Variants in ZNF567 observed in about 807,000 individuals in gnomAD.
ZNF567 encodes zinc finger protein 567.
ZNF567 carries 36 observed loss-of-function variants against 53.9 expected under a neutral mutation model. The observed-to-expected ratio is 0.67, with a 90% CI of 0.51 to 0.88. The LOEUF (loss-of-function observed/expected upper bound fraction) is 0.88, where lower values mean the gene tolerates loss of function less well. ZNF567 is among the 40% of genes least tolerant of loss of function. The pLI, the probability that ZNF567 is intolerant of heterozygous loss-of-function variation, is 0.00. For synonymous variants in ZNF567, 224 were observed against 260.4 expected, an observed-to-expected ratio of 0.86 and a Z score of 1.35; for missense variants, 619 against 764.7, an observed-to-expected ratio of 0.81 and a Z score of 2.25.
At chr19:36,708,888 T>G (rs542999024) in intron 3 of ZNF567, among the ~76,000 whole-genome samples, 1 of 152,374 alleles carries the variant, frequency 6.6e-6, no homozygotes, top group South Asian at 2.1e-4. Context: ...AGCTTTTTAG[T>G]TATGCGTTTG....
At chr19:36,690,596 A>G (rs551448747) in intron 2 of ZNF567, among the ~76,000 whole-genome samples, 42 of 152,348 alleles carry the variant, frequency 2.8e-4, no homozygotes, top group African/African-American at 9.1e-4. Flanking sequence ...GTTTCAAAAC[A>G]AAACAAAAGA....
the ZNF567 span, chr19:36,668,800 T>G: frequency 9.3e-4 from 141 of 152,332 alleles, no homozygotes; most frequent in African/African-American, 3.3e-3. Flanking sequence ...GTGATTCTGC[T>G]TGTGTCTGAT....
At chr19:36,710,239 A>G (rs1433040901) in intron 3 of ZNF567, among the ~76,000 whole-genome samples, 1 of 138,846 alleles carries the variant, frequency 7.2e-6, no homozygotes, top group Non-Finnish European at 1.6e-5. Flanking sequence ...TTTTTATTTC[A>G]GTTATTTCTT....
Position 36,719,465 on chromosome 19 carries a change from C to T in ZNF567, c.741C>T (p.Thr247=), listed in dbSNP as rs1196535980. ...TATATAATAAAAAAAGAAGAGCAAC[C>T]AATATTGAAAAAAAACATACATGCA... ...PSVYNKKRRA[T]NIEKKHTCNE... is the part of the protein sequence containing the mutation. The change falls in exon 6 of 6, where the codon ACC becomes ACT. Residue 247 remains threonine, a synonymous_variant. Transcript: ENST00000682579. 1 of 1,609,694 alleles carries T rather than the reference C, an allele frequency of 6.2e-7. No individual in the cohort carries two copies. The highest frequency in any genetic ancestry group is 1.7e-5 in the Admixed American group (1 of 59,028).
At chr19:36,697,886 C>T (rs2038964320) in intron 3 of ZNF567, among the ~76,000 whole-genome samples, 1 of 150,668 alleles carries the variant, frequency 6.6e-6, no homozygotes, top group Admixed American at 6.6e-5. Context: ...ATTGGCATTA[C>T]AGGTGTGAGC....
the ZNF567 span, among the ~76,000 whole-genome samples, chr19:36,681,698 G>A: frequency 2.9e-4 from 44 of 151,630 alleles, no homozygotes; most frequent in Non-Finnish European, 6.0e-4. Context: ...CCAAAGTGCT[G>A]AGATTACAAG....
the ZNF567 span, among the ~76,000 whole-genome samples, chr19:36,667,245 A>C: frequency 6.6e-6 from 1 of 152,288 alleles, no homozygotes; most frequent in South Asian, 2.1e-4. Context: ...ACGATTTAAA[A>C]AAAAATTTTT....
At chr19:36,706,589 T>C (rs1306410523) in intron 3 of ZNF567, among the ~76,000 whole-genome samples, 1 of 151,802 alleles carries the variant, frequency 6.6e-6, no homozygotes, top group Non-Finnish European at 1.5e-5. Context: ...CCACTGTGCC[T>C]GGCCTACACC....
intron 1 of ZNF567, among the ~76,000 whole-genome samples, 170 bp from the exon 2 acceptor site, chr19:36,689,227 C>G (rs2038453911): frequency 6.9e-6 from 1 of 145,580 alleles, no homozygotes; most frequent in Non-Finnish European, 1.5e-5. Flanking sequence ...CTCAAAATTC[C>G]TATTTGAGAG....
At chr19:36,724,871 T>G (rs1257324966), downstream of ZNF567, among the ~76,000 whole-genome samples, 1 of 151,476 alleles carries the variant, frequency 6.6e-6, no homozygotes, top group East Asian at 1.9e-4. Context: ...AAAAAAAAAG[T>G]TCACATTCCT....
At chr19:36,702,121 G>T (rs2039226853) in intron 3 of ZNF567, among the ~76,000 whole-genome samples, 1 of 151,862 alleles carries the variant, frequency 6.6e-6, no homozygotes, top group African/African-American at 2.4e-5. Context: ...CAGGCCTGGT[G>T]GTGACAAAAA....
chr19:36,724,295 C>T (rs191005830), downstream of ZNF567, among the ~76,000 whole-genome samples: 88 of 151,860 alleles, frequency 5.8e-4, no homozygotes, highest in African/African-American at 2.0e-3. Context: ...CGTGAGCCAC[C>T]GCACCCTGCT....
chr19:36,709,721 T>C (rs1418325784), intron 3 of ZNF567, among the ~76,000 whole-genome samples: 2 of 150,570 alleles, frequency 1.3e-5, no homozygotes, highest in South Asian at 4.3e-4. Context: ...GCCTCAGCCC[T>C]CCAAAGTGCC....
In ZNF567 at chr19:36,719,649, T is replaced by C; in HGVS notation, c.925T>C (p.Phe309Leu). The change falls in exon 6 of 6, where the codon TTT becomes CTT. Residue 309 changes from phenylalanine to leucine, a missense_variant. Physicochemically the swap from Phe to Leu is conservative, Grantham distance 22. Coordinates refer to ENST00000682579, the MANE Select transcript of ZNF567 (RefSeq NM_001322917.1). ...GAGAACTCACACAGGAGAGAAACCC[T>C]TTGTTTGCAATGAATGTGGTAAGTC... ...HQRTHTGEKP[F>L]VCNECGKSFR... The C allele has an allele frequency of 6.2e-7, 1 of 1,613,990 alleles. No homozygotes were observed. The highest frequency in any genetic ancestry group is 8.5e-7 in the Non-Finnish European group (1 of 1,179,890).
intron 2 of ZNF567, among the ~76,000 whole-genome samples, chr19:36,690,785 A>G (rs2038562463): frequency 6.6e-6 from 1 of 152,190 alleles, no homozygotes; most frequent in Non-Finnish European, 1.5e-5. Context: ...TATACTTTAG[A>G]TGGATGAATT....
In ZNF567 at chr19:36,697,714, C is replaced by T. The variant is rs573489616; in HGVS notation, c.9+2838C>T. Among the ~76,000 whole-genome samples, 251 of 151,170 alleles carry T rather than the reference C, an allele frequency of 1.7e-3. 6 individuals carry two copies. The highest frequency in any genetic ancestry group is 2.2e-3 in the Non-Finnish European group (152 of 67,892). On this transcript the variant is annotated intron_variant, in intron 3 of 5. Coordinates refer to ENST00000682579, the MANE Select transcript of ZNF567 (RefSeq NM_001322917.1). ...GCAACCTCTGCCTCCCAGGTTCAAGCGATTCTGGTGCGTCAGCCTCCCACG... is the reference window on the plus strand; with the variant it reads ...GCAACCTCTGCCTCCCAGGTTCAAGTGATTCTGGTGCGTCAGCCTCCCACG...
chr19:36,689,332 GA>G (rs1343733495), intron 1 of ZNF567, 64 bp from the exon 2 acceptor site: 1 of 150,738 alleles, frequency 6.6e-6, no homozygotes, highest in East Asian at 2.0e-4. Flanking sequence ...AATGTGAAAG[GA>G]TACATGATTA....
the ZNF567 span, among the ~76,000 whole-genome samples, chr19:36,679,273 G>A: frequency 0.18 from 27,529 of 152,078 alleles, 2,665 homozygotes; most frequent in Non-Finnish European, 0.22. Context: ...GCGACAGCGC[G>A]AGACTCCATC....
At chr19:36,707,899 A>T (rs2039579651) in intron 3 of ZNF567, among the ~76,000 whole-genome samples, 1 of 151,858 alleles carries the variant, frequency 6.6e-6, no homozygotes. Context: ...CTGTTTTAAC[A>T]TCCTTGTTTT....
Sources: allele counts gnomAD v4.1 joint callset (sites outside exome capture counted in the v4.1 genomes callset), GRCh38; gene constraint gnomAD v4.1.1; transcripts MANE v1.5; gene names NCBI Gene and HGNC (gene_info 2026-07-23, HGNC 2026-07-21).